Variants in TGFBR3 observed in about 807,000 individuals in gnomAD.
TGFBR3 encodes the protein transforming growth factor beta receptor type 3.
Under a neutral mutation model 87.9 loss-of-function variants are expected in TGFBR3, and 46 were observed. That is an observed-to-expected ratio of 0.52 (90% CI 0.41 to 0.67). The LOEUF is 0.67. TGFBR3 is among the 30% of genes least tolerant of loss of function. The pLI, the probability that TGFBR3 is intolerant of heterozygous loss-of-function variation, is 0.00. For missense variants in TGFBR3, 866 were observed against 1,041.9 expected (o/e 0.83, Z 2.32); for synonymous variants, 381 against 391.6 (o/e 0.97, Z 0.32).
intron 2 of TGFBR3, among the ~76,000 whole-genome samples, chr1:91,898,119 G>T (rs1375533458): frequency 6.6e-6 from 1 of 151,520 alleles, no homozygotes; most frequent in Admixed American, 6.6e-5. Context: ...AAAAATTACA[G>T]ATACAATTGA....
intron 3 of TGFBR3, among the ~76,000 whole-genome samples, chr1:91,776,681 C>T (rs1207647910): frequency 6.6e-6 from 1 of 152,100 alleles, no homozygotes; most frequent in African/African-American, 2.4e-5. Flanking sequence ...GCCTACAGGT[C>T]CCTGGATTTT....
rs57364204 is a variant in TGFBR3 at position 91,729,150 on chromosome 1, TACACACACACACACACAC to T, written c.737+637_737+654del. The stretch of plus-strand genomic sequence containing the variant: ...GTCACCATGGAGGGCCACTCCAGCA[TACACACACACACACACAC>T]ACACACACACACACACACACACACA... On this transcript the variant is annotated intron_variant, in intron 6 of 16. Transcript: ENST00000212355. Among the ~76,000 whole-genome samples, 432 of 66,904 alleles carry T rather than the reference TACACACACACACACACAC, an allele frequency of 6.5e-3. 9 individuals carry two copies. Among genetic ancestry groups the T allele is most frequent in the African/African-American group, 0.02 (372 of 18,296 alleles). The allele number at this position is 66,904 out of a possible 152,430, so 43.9% of individuals were successfully genotyped here.
rs1250867487 is a variant in TGFBR3, at chr1:91,680,348, A to T, written c.*3391T>A. 7.0e-6 allele frequency: 3 copies of T among 426,486 alleles called. No individual in the cohort carries two copies. In the Admixed American group the frequency reaches 8.3e-5, roughly 12 times the overall value. The allele number at this position is 426,486 out of a possible 1,614,324, so 26.4% of individuals were successfully genotyped here. On this transcript the variant is annotated 3_prime_UTR_variant, in exon 17 of 17. Coordinates refer to ENST00000212355, the MANE Select transcript of TGFBR3 (RefSeq NM_003243.5). ...TAATGATAACAAGACACATATTAATAACTGATATATATCTTTTTATTATGC... is the reference window on the plus strand; with the variant it reads ...TAATGATAACAAGACACATATTAATTACTGATATATATCTTTTTATTATGC...
intron 2 of TGFBR3, among the ~76,000 whole-genome samples, chr1:91,821,357 T>C (rs1266219359): frequency 2.1e-5 from 3 of 139,716 alleles, no homozygotes; most frequent in African/African-American, 8.0e-5. Context: ...AAAAAAGTAA[T>C]GGCAAAAAAC....
intron 15 of TGFBR3, among the ~76,000 whole-genome samples, chr1:91,696,869 T>C (rs1241120883): frequency 1.3e-5 from 2 of 152,174 alleles, no homozygotes; most frequent in African/African-American, 4.8e-5. Flanking sequence ...CATACACTCC[T>C]GTGACCTTTG....
chr1:91,715,660 A>G (rs1672139434), intron 12 of TGFBR3, among the ~76,000 whole-genome samples: 1 of 152,188 alleles, frequency 6.6e-6, no homozygotes, highest in Non-Finnish European at 1.5e-5. Flanking sequence ...AACATTATAT[A>G]TAGGAAATAG....
intron 8 of TGFBR3, among the ~76,000 whole-genome samples, chr1:91,721,261 A>G (rs1288840348): frequency 1.3e-5 from 2 of 152,202 alleles, no homozygotes; most frequent in Non-Finnish European, 2.9e-5. Flanking sequence ...ACAACCCTGT[A>G]AGGTCTGTCC....
intron 3 of TGFBR3, among the ~76,000 whole-genome samples, chr1:91,781,094 T>C (rs187337221): frequency 6.6e-5 from 10 of 152,308 alleles, no homozygotes; most frequent in African/African-American, 2.4e-4. Context: ...CTTTTAAGTA[T>C]AATGAAGCCA....
chr1:91,731,735 C>A (rs1672781870), intron 5 of TGFBR3, among the ~76,000 whole-genome samples: 1 of 152,176 alleles, frequency 6.6e-6, no homozygotes, highest in Non-Finnish European at 1.5e-5. Context: ...CATAGGTGTG[C>A]CTGGCTTGTA....
intron 2 of TGFBR3, among the ~76,000 whole-genome samples, chr1:91,894,794 G>A (rs1345134267): frequency 2.0e-5 from 3 of 152,138 alleles, no homozygotes; most frequent in Admixed American, 6.5e-5. Flanking sequence ...CCTTTGAGAC[G>A]GAGTCTCGTT....
chr1:91,754,900 C>A (rs1179414366), intron 4 of TGFBR3: 2 of 152,036 alleles, frequency 1.3e-5, no homozygotes, highest in East Asian at 3.9e-4. Context: ...TAAAAAAAAA[C>A]AGTTAAAAGT....
At chr1:91,721,023 C>T (rs986282654) in intron 8 of TGFBR3, among the ~76,000 whole-genome samples, 3 of 152,120 alleles carry the variant, frequency 2.0e-5, no homozygotes, top group African/African-American at 4.8e-5. Flanking sequence ...TTTCTAACAA[C>T]TAAAAAAATA....
chr1:91,695,575 T>C, intron 16 of TGFBR3, 97 bp downstream of exon 16: 2 of 1,022,866 alleles, frequency 2.0e-6, no homozygotes, highest in South Asian at 2.6e-5. Context: ...ATGAACTTTC[T>C]CTTTCATTCG....
intron 14 of TGFBR3, among the ~76,000 whole-genome samples, chr1:91,707,169 C>A (rs1671826368): frequency 1.3e-5 from 2 of 152,190 alleles, no homozygotes; most frequent in African/African-American, 4.8e-5. Flanking sequence ...GAAAATGAAA[C>A]CCAAAGAGCT....
At chr1:91,802,892 A>G (rs545368119) in intron 2 of TGFBR3, among the ~76,000 whole-genome samples, 47 of 151,624 alleles carry the variant, frequency 3.1e-4, no homozygotes, top group African/African-American at 8.5e-4. Flanking sequence ...TCCTCACCCA[A>G]TGGATTCTCT....
intron 3 of TGFBR3, among the ~76,000 whole-genome samples, chr1:91,785,555 T>C (rs1434054184): frequency 6.6e-6 from 1 of 152,212 alleles, no homozygotes; most frequent in Non-Finnish European, 1.5e-5. Flanking sequence ...AATTCAGTCC[T>C]GCCTAGCACC....
In TGFBR3 at chr1:91,833,392, C is replaced by T. The variant is rs542572032; in HGVS notation, c.61+28079G>A. ...AGAAGAATCACTTGAACCCAGGAGG[C>T]GGAGGTTGCAGAGAGCCAAGATCAC... On this transcript the variant is annotated intron_variant, in intron 2 of 16. Coordinates refer to ENST00000212355, the MANE Select transcript of TGFBR3 (RefSeq NM_003243.5). Among the ~76,000 whole-genome samples the T allele has an allele frequency of 1.1e-3, 139 of 123,440 alleles. 1 individual carries two copies. In the South Asian group the frequency reaches 0.034, roughly 30 times the overall value. 81.0% of individuals were successfully genotyped at this position (123,440 alleles called of 152,430 possible). A position where few individuals can be genotyped will look rare whatever the true frequency, so the allele number is the denominator to read the frequency against.
Position 91,810,768 on chromosome 1 carries a change from G to A in TGFBR3, c.62-13297C>T, listed in dbSNP as rs142416944. Among the ~76,000 whole-genome samples, 114 of 152,244 alleles carry A rather than the reference G, an allele frequency of 7.5e-4. 1 individual carries two copies. The highest frequency in any genetic ancestry group is 2.5e-3 in the African/African-American group (103 of 41,534). On this transcript the variant is annotated intron_variant, in intron 2 of 16. Transcript: ENST00000212355. ...GCCTCTGTTTCTTTATCTATACAAT[G>A]GGGATAATAACAGGATCTGCCCCAT...
rs570375912 is a variant in TGFBR3, at chr1:91,844,021, G to A, written c.61+17450C>T. ...GAAACTCTGCTGGGAAAGCCCAACG[G>A]CCTGATGGAAAGGCACAACATCCAA... On this transcript the variant is annotated intron_variant, in intron 2 of 16. Coordinates refer to ENST00000212355, the MANE Select transcript of TGFBR3 (RefSeq NM_003243.5). Among the ~76,000 whole-genome samples, 13 of 152,316 alleles carry A rather than the reference G, an allele frequency of 8.5e-5. No individual in the cohort carries two copies. The East Asian group carries it at 2.5e-3, about 29-fold the overall frequency.
Sources: allele counts gnomAD v4.1 joint callset (sites outside exome capture counted in the v4.1 genomes callset), GRCh38; gene constraint gnomAD v4.1.1; transcripts MANE v1.5; gene names NCBI Gene and HGNC (gene_info 2026-07-23, HGNC 2026-07-21).